The following DARS2 variants were observed in gnomAD, a reference collection of about 807,000 sequenced individuals.
DARS2 encodes aspartate--tRNA ligase, mitochondrial.
DARS2 carries 63 observed loss-of-function variants against 83.0 expected under a neutral mutation model. The observed-to-expected ratio is 0.76, with a 90% CI of 0.62 to 0.94. DARS2 has a LOEUF of 0.94. DARS2 is among the 40% of genes least tolerant of loss of function. The probability of loss-of-function intolerance (pLI) is 0.00; values close to 1 mark genes in which losing one functional copy is unlikely to be tolerated. For missense variants in DARS2, 675 were observed against 774.4 expected (o/e 0.87, Z 1.52); for synonymous variants, 250 against 269.3 (o/e 0.93, Z 0.70).
In DARS2 at chr1:173,858,215, A is replaced by G. The variant is rs1267443896; in HGVS notation, c.*510A>G. 2 of 159,408 alleles carry G rather than the reference A, an allele frequency of 1.3e-5. No homozygotes were observed. Among genetic ancestry groups the G allele is most frequent in the East Asian group, 3.6e-4 (2 of 5,538 alleles). The allele number at this position is 159,408 out of a possible 1,614,324, so 9.9% of individuals were successfully genotyped here. A position where few individuals can be genotyped will look rare whatever the true frequency, so the allele number is the denominator to read the frequency against. ...GAGGAGTAGCATAATATTTTTTAAT[A>G]ATGCAGAAAACATCACTGAAATGAG... is the stretch of plus-strand genomic sequence containing the variant. On this transcript the variant is annotated 3_prime_UTR_variant, in exon 17 of 17. Transcript: ENST00000649689.
chr1:173,837,160 G>A, intron 8 of DARS2, 114 bp downstream of exon 8: 2 of 957,782 alleles, frequency 2.1e-6, no homozygotes, highest in Admixed American at 2.1e-5. Flanking sequence ...ATTTATGAGA[G>A]TTTGGAGAAT....
chr1:173,845,457 A>G (rs1653398499), intron 12 of DARS2, among the ~76,000 whole-genome samples, 166 bp downstream of exon 12: 1 of 152,134 alleles, frequency 6.6e-6, no homozygotes, highest in Admixed American at 6.5e-5. Flanking sequence ...TTGAAGATGT[A>G]GTCTTATTCT....
intron 12 of DARS2, among the ~76,000 whole-genome samples, chr1:173,849,406 C>T (rs1438616034): frequency 6.6e-6 from 1 of 151,690 alleles, no homozygotes; most frequent in East Asian, 1.9e-4. Flanking sequence ...TGTTGACACA[C>T]ATCTGTAATC....
At chr1:173,853,681 T>G in intron 14 of DARS2, 114 bp downstream of exon 14, 1 of 1,507,106 alleles carries the variant, frequency 6.6e-7, no homozygotes, top group East Asian at 2.3e-5. Context: ...CAGAAGAAAT[T>G]GTGGAGTTTG....
chr1:173,825,842 GT>G (rs937304005), intron 1 of DARS2, among the ~76,000 whole-genome samples: 6 of 150,904 alleles, frequency 4.0e-5, no homozygotes, highest in African/African-American at 9.7e-5. Context: ...TTATACGGCA[GT>G]TTTTTTTCCC....
chr1:173,843,916 C>T (rs2102652399), intron 11 of DARS2, among the ~76,000 whole-genome samples: 1 of 152,310 alleles, frequency 6.6e-6, no homozygotes, highest in East Asian at 1.9e-4. Context: ...TATAGCCAGT[C>T]ACAGCATGTG....
At chr1:173,839,884 CTAAGTTTCCTTGGTCCA>C (rs942015881) in intron 10 of DARS2, among the ~76,000 whole-genome samples, 15 of 151,880 alleles carry the variant, frequency 9.9e-5, no homozygotes, top group Non-Finnish European at 1.5e-5. Context: ...CAAGGAGTTA[CTAAGTTTCCTTGGTCCA>C]TAAAAAGCTC....
intron 5 of DARS2, among the ~76,000 whole-genome samples, chr1:173,832,029 C>T (rs997486532): frequency 1.3e-5 from 2 of 152,156 alleles, no homozygotes; most frequent in Non-Finnish European, 2.9e-5. Flanking sequence ...TAGAGCAACG[C>T]TTGACCTCCC....
chr1:173,856,687 C>T lies in DARS2; in HGVS notation c.1696C>T (p.His566Tyr). 6.2e-7 allele frequency: 1 copy of T among 1,614,006 alleles called. No homozygotes were observed. The highest frequency in any genetic ancestry group is 8.5e-7 in the Non-Finnish European group (1 of 1,179,964). The change falls in exon 16 of 17, where the codon CAT becomes TAT. Residue 566 changes from histidine (H) to tyrosine (Y), a missense_variant. Physicochemically the swap from His to Tyr is moderately conservative, Grantham distance 83 (BLOSUM62 2). Transcript: ENST00000649689. Reference protein sequence around the residue: ...LLKEDVKMLSHLLQALDYGAP... With the variant: ...LLKEDVKMLSYLLQALDYGAP... Reference sequence around the variant, plus strand: ...TCAGGAGGATGTGAAAATGCTCTCCCATCTGCTCCAGGCTTTAGATTATGG... The same window carrying T: ...TCAGGAGGATGTGAAAATGCTCTCCTATCTGCTCCAGGCTTTAGATTATGG...
intron 13 of DARS2, chr1:173,852,209 A>G (rs951632723): frequency 2.0e-6 from 2 of 985,444 alleles, no homozygotes; most frequent in Non-Finnish European, 2.4e-6. Context: ...GTCTCTAGGC[A>G]TATGTCACTG....
At chr1:173,826,877 T>G in intron 2 of DARS2, 91 bp downstream of exon 2, 1 of 990,544 alleles carries the variant, frequency 1.0e-6, no homozygotes, top group East Asian at 2.4e-5. Context: ...GTCCGAAGAA[T>G]AAAACGTTTT....
intron 2 of DARS2, among the ~76,000 whole-genome samples, chr1:173,827,705 A>G (rs554939789): frequency 6.6e-6 from 1 of 152,272 alleles, no homozygotes; most frequent in East Asian, 1.9e-4. Context: ...CCTGAACCCA[A>G]ATCTGAAGAG....
At chr1:173,844,920 A>T (rs925344049) in intron 11 of DARS2, among the ~76,000 whole-genome samples, 1 of 144,012 alleles carries the variant, frequency 6.9e-6, no homozygotes, top group Non-Finnish European at 1.6e-5. Flanking sequence ...CAACCTCCCG[A>T]GTAGCTGGGA....
rs554316314 is a variant in DARS2 at position 173,855,207 on chromosome 1, A to C, written c.1674+1302A>C. Among the ~76,000 whole-genome samples, 290 of 150,886 alleles carry C rather than the reference A, an allele frequency of 1.9e-3. 1 individual carries two copies. Among genetic ancestry groups the C allele is most frequent in the African/African-American group, 6.6e-3 (273 of 41,080 alleles). On this transcript the variant is annotated intron_variant, in intron 15 of 16. Transcript: ENST00000649689. ...CAACCTCCGCCGCCTGGGTTCAAGC[A>C]ATTCTTCTGCCTCAGCCTCCTGAGT...
intron 1 of DARS2, 113 bp from the exon 2 acceptor site, chr1:173,826,574 G>A (rs148496090): frequency 1.1e-5 from 8 of 721,962 alleles, no homozygotes; most frequent in Non-Finnish European, 1.9e-5. Context: ...AATTTCCCCT[G>A]TAGCCCTGAC....
At position 173,854,435 on chromosome 1, in the gene DARS2, C is replaced by CATA. The variant is rs1159896809; in HGVS notation, c.1674+531_1674+533dup. ...TTAAATGCTTAAATAGTATCTGGCA[C>CATA]ATAGCACTATTAAACAGTACTATTT... On this transcript the variant is annotated intron_variant, in intron 15 of 16. Transcript: ENST00000649689. Among the ~76,000 whole-genome samples, 17 of 152,106 alleles carry CATA rather than the reference C, an allele frequency of 1.1e-4. 1 individual carries two copies. Among genetic ancestry groups the CATA allele is most frequent in the Admixed American group, 8.5e-4 (13 of 15,262 alleles).
intron 2 of DARS2, 143 bp downstream of exon 2, chr1:173,826,929 T>C (rs2102634404): frequency 4.1e-6 from 3 of 722,974 alleles, no homozygotes; most frequent in East Asian, 2.7e-5. Context: ...TTTTCAACTT[T>C]GTTTTAGTTT....
chr1:173,828,430 A>G, intron 3 of DARS2, 31 bp downstream of exon 3: 1 of 1,590,376 alleles, frequency 6.3e-7, no homozygotes, highest in Non-Finnish European at 8.6e-7. Context: ...ATTATCTAAA[A>G]GCTTCTTTGA....
rs181672516 is a variant in DARS2 at position 173,853,456 on chromosome 1, C to G, written c.1452C>G (p.Phe484Leu). ...TCTCTTTCCTTTGGGTGGTAGATTT[C>G]CCACTCTTCCTGCCCAAGGAGGAAA... The part of the protein sequence containing the change: ...TLFSFLWVVD[F>L]PLFLPKEENP... Residue 484 changes from phenylalanine (F) to leucine (L), a missense_variant, in exon 14 of 17, where the codon TTC (phenylalanine) becomes TTG (leucine). By Grantham distance (22) the Phe-to-Leu change is conservative. Coordinates refer to ENST00000649689, the MANE Select transcript of DARS2 (RefSeq NM_018122.5). 10 of 1,614,114 alleles carry G rather than the reference C, an allele frequency of 6.2e-6. No individual in the cohort carries two copies. The Admixed American group carries it at 6.7e-5, about 11-fold the overall frequency.
Sources: gnomAD v4.1 joint callset for allele counts (sites outside exome capture counted in the v4.1 genomes callset) on GRCh38, gnomAD v4.1.1 for gene constraint, MANE v1.5 for transcripts, NCBI Gene and HGNC (gene_info 2026-07-23, HGNC 2026-07-21) for gene names.